The following SYN3 variants were observed in gnomAD, a reference collection of about 807,000 sequenced individuals.
The protein encoded by SYN3 is synapsin III, also known as synapsin-3.
SYN3 carries 35 observed loss-of-function variants against 65.8 expected under a neutral mutation model. The observed-to-expected ratio is 0.53, with a 90% CI of 0.41 to 0.70. SYN3 has a LOEUF of 0.70. Among genes scored for constraint, SYN3 ranks in the 30% least tolerant of loss-of-function variants. The pLI, the probability that SYN3 is intolerant of heterozygous loss-of-function variation, is 0.00. For synonymous variants in SYN3, 270 were observed against 292.9 expected, an observed-to-expected ratio of 0.92 and a Z score of 0.80; for missense variants, 680 against 749.0, an observed-to-expected ratio of 0.91 and a Z score of 1.08.
intron 6 of SYN3, among the ~76,000 whole-genome samples, chr22:32,649,797 G>C (rs1256199371): frequency 6.6e-6 from 1 of 152,226 alleles, no homozygotes; most frequent in Non-Finnish European, 1.5e-5. Context: ...AGTCTAAATA[G>C]GGACAGGGCG....
chr22:32,890,923 C>T (rs2049428429), intron 4 of SYN3, among the ~76,000 whole-genome samples: 1 of 152,162 alleles, frequency 6.6e-6, no homozygotes, highest in African/African-American at 2.4e-5. Flanking sequence ...GTAAAAACTT[C>T]ATTTCCTAGA....
At chr22:32,601,341 G>A (rs1157210131) in intron 6 of SYN3, among the ~76,000 whole-genome samples, 1 of 150,878 alleles carries the variant, frequency 6.6e-6, no homozygotes, top group African/African-American at 2.4e-5. Flanking sequence ...GCAGTGGTGC[G>A]ATCTCAGCTC....
chr22:32,593,477 G>A (rs1001579356), intron 7 of SYN3, among the ~76,000 whole-genome samples: 1 of 152,142 alleles, frequency 6.6e-6, no homozygotes, highest in Admixed American at 6.5e-5. Context: ...CATTAACAAG[G>A]GGCAATTGAC....
intron 6 of SYN3, among the ~76,000 whole-genome samples, chr22:32,615,321 G>T (rs2059500587): frequency 6.6e-6 from 1 of 151,338 alleles, no homozygotes; most frequent in South Asian, 2.1e-4. Context: ...TGTAATCCCA[G>T]CTACTTGGGA....
At chr22:32,551,978 C>T (rs74403337) in intron 7 of SYN3, among the ~76,000 whole-genome samples, 3,550 of 152,252 alleles carry the variant, frequency 0.023, 75 homozygotes, top group East Asian at 0.12. Flanking sequence ...AGGCCAGGTG[C>T]GGTGGCTCAC....
intron 4 of SYN3, among the ~76,000 whole-genome samples, chr22:32,888,834 A>G (rs1294285740): frequency 6.6e-6 from 1 of 151,240 alleles, no homozygotes; most frequent in Admixed American, 6.6e-5. Flanking sequence ...GCTAAGGATA[A>G]TGCAAATATT....
intron 5 of SYN3, among the ~76,000 whole-genome samples, chr22:32,868,703 G>C (rs1371890486): frequency 6.6e-6 from 1 of 151,958 alleles, no homozygotes; most frequent in Non-Finnish European, 1.5e-5. Context: ...CGCCTGTCTT[G>C]GCCTCCCAAA....
In SYN3 at chr22:32,567,332, C is replaced by CCCTG. The variant is rs1218738770; in HGVS notation, c.775-25620_775-25619insCAGG. Among the ~76,000 whole-genome samples, 248 of 121,200 alleles carry CCCTG rather than the reference C, an allele frequency of 2.0e-3. 4 individuals carry two copies. The highest frequency in any genetic ancestry group is 7.1e-3 in the African/African-American group (245 of 34,366). 79.5% of individuals were successfully genotyped at this position (121,200 alleles called of 152,430 possible). A position where few individuals can be genotyped will look rare whatever the true frequency, so the allele number is the denominator to read the frequency against. On this transcript the variant is annotated intron_variant, in intron 7 of 13. Transcript: ENST00000358763. ...ACGATGACGGAGATCCTCCCTCCCT[C>CCCTG]CCTCCCTCCCTCCCTCCCTCCCTTC...
chr22:32,569,466 T>A (rs1023677128), intron 7 of SYN3, among the ~76,000 whole-genome samples: 9 of 151,152 alleles, frequency 6.0e-5, no homozygotes, highest in Admixed American at 1.3e-4. Flanking sequence ...CTATCTAAAA[T>A]CTATCAATTG....
At chr22:32,654,239 C>CCCCG (rs2060112098) in intron 6 of SYN3, among the ~76,000 whole-genome samples, 1 of 152,232 alleles carries the variant, frequency 6.6e-6, no homozygotes, top group Non-Finnish European at 1.5e-5. Context: ...CACTCCCCTC[C>CCCCG]CTCCACTTTC....
chr22:32,521,124 A>G (rs551932386), intron 12 of SYN3, among the ~76,000 whole-genome samples: 1 of 152,366 alleles, frequency 6.6e-6, no homozygotes, highest in South Asian at 2.1e-4. Flanking sequence ...ATGTAAATAA[A>G]TAAAGCAGGC....
intron 6 of SYN3, chr22:32,833,922 T>C (rs928653079): frequency 3.0e-5 from 15 of 494,790 alleles, no homozygotes; most frequent in African/African-American, 2.8e-4. Context: ...AGTATTGTAA[T>C]CATTGACAAT....
chr22:32,573,764 GTT>G (rs1206847975), intron 7 of SYN3, among the ~76,000 whole-genome samples: 71 of 108,480 alleles, frequency 6.5e-4, no homozygotes, highest in Non-Finnish European at 7.0e-4. Flanking sequence ...GAAGGAAGGG[GTT>G]TTTTTTTTTT....
chr22:32,517,508 G>A (rs1041621501), intron 13 of SYN3, among the ~76,000 whole-genome samples: 5 of 152,300 alleles, frequency 3.3e-5, no homozygotes, highest in Admixed American at 1.3e-4. Context: ...GAATAAAAAT[G>A]TGTAGATAAA....
intron 7 of SYN3, among the ~76,000 whole-genome samples, chr22:32,588,472 C>T (rs2059082809): frequency 6.6e-6 from 1 of 152,170 alleles, no homozygotes; most frequent in Admixed American, 6.5e-5. Context: ...ATTGTAACTG[C>T]TTATTTCATC....
At chr22:33,045,713 C>T (rs1397728482) in intron 1 of SYN3, among the ~76,000 whole-genome samples, 1 of 151,502 alleles carries the variant, frequency 6.6e-6, no homozygotes, top group Non-Finnish European at 1.5e-5. Context: ...CCGCACACCT[C>T]GGCCTCCCAA....
intron 1 of SYN3, among the ~76,000 whole-genome samples, chr22:33,052,583 C>CAAAA (rs58956477): frequency 9.3e-6 from 1 of 107,844 alleles, no homozygotes; most frequent in Non-Finnish European, 2.2e-5. Flanking sequence ...AGAAGAGGAA[C>CAAAA]AAAAAAAAAA....
intron 3 of SYN3, among the ~76,000 whole-genome samples, chr22:32,936,010 C>T (rs1480979734): frequency 6.6e-6 from 1 of 152,062 alleles, no homozygotes; most frequent in Non-Finnish European, 1.5e-5. Context: ...TAAATAGTTG[C>T]CATTATTATT....
Position 32,671,605 on chromosome 22 carries a change from GCA to G in SYN3, c.712-74871_712-74870del, listed in dbSNP as rs1382147607. On this transcript the variant is annotated intron_variant, in intron 6 of 13. Transcript: ENST00000358763. ...CACACACACACGCTGTCATACAGGT[GCA>G]CACACGCTCTCACACAGGTATACAC... is the stretch of plus-strand genomic sequence containing the variant. 1.1e-3 allele frequency among the ~76,000 whole-genome samples: 153 copies of G among 141,504 alleles called. No individual in the cohort carries two copies. In the Middle Eastern group the frequency reaches 0.016, roughly 15 times the overall value. The allele number at this position is 141,504 out of a possible 152,430, so 92.8% of individuals were successfully genotyped here.
Sources: gnomAD v4.1 joint callset for allele counts (sites outside exome capture counted in the v4.1 genomes callset) on GRCh38, gnomAD v4.1.1 for gene constraint, MANE v1.5 for transcripts, NCBI Gene and HGNC (gene_info 2026-07-23, HGNC 2026-07-21) for gene names.